CSMD1: variants seen among roughly 807,000 people sequenced by gnomAD.
The protein encoded by CSMD1 is CUB and Sushi multiple domains 1.
Under a neutral mutation model 417.5 loss-of-function variants are expected in CSMD1, and 213 were observed. That is an observed-to-expected ratio of 0.51 (90% CI 0.46 to 0.57). The LOEUF (loss-of-function observed/expected upper bound fraction) is 0.57, where lower values mean the gene tolerates loss of function less well. Ranked by LOEUF, CSMD1 falls within the 20% of genes least tolerant of loss-of-function variation. The pLI, the probability that CSMD1 is intolerant of heterozygous loss-of-function variation, is 0.00. For missense variants in CSMD1, 6,923 were observed against 4,529.7 expected (o/e 1.53, Z -15.17); for synonymous variants, 2,862 against 1,736.8 (o/e 1.65, Z -16.11).
chr8:4,925,150 C>G (rs1253555801), intron 1 of CSMD1, among the ~76,000 whole-genome samples: 1 of 146,578 alleles, frequency 6.8e-6, no homozygotes, highest in African/African-American at 2.5e-5. Context: ...GAGCAGCAGA[C>G]ACAAGGAAGG....
intron 3 of CSMD1, among the ~76,000 whole-genome samples, chr8:4,174,917 A>C (rs2552098): frequency 6.7e-6 from 1 of 150,312 alleles, no homozygotes; most frequent in Non-Finnish European, 1.5e-5. Flanking sequence ...TCTTTGCAGA[A>C]CTGATGTCAA....
chr8:3,656,835 G>A (rs546460743), intron 7 of CSMD1, among the ~76,000 whole-genome samples: 19 of 151,864 alleles, frequency 1.3e-4, no homozygotes, highest in Admixed American at 2.6e-4. Flanking sequence ...TGAGGCAGAT[G>A]AATAGCTTGT....
rs1797288826 is a variant in CSMD1 at position 3,641,178 on chromosome 8, G to C, written c.1010-24381C>G. Among the ~76,000 whole-genome samples, 4 of 152,020 alleles carry C rather than the reference G, an allele frequency of 2.6e-5. No individual in the cohort carries two copies. In the South Asian group the frequency reaches 8.3e-4, roughly 32 times the overall value. On this transcript the variant is annotated intron_variant, in intron 7 of 69. Transcript: ENST00000635120. ...AATCTGCACATGTAACATGCAATGG[G>C]TGATCACTTGACTGGGGTACATTGC...
intron 3 of CSMD1, among the ~76,000 whole-genome samples, chr8:4,244,869 G>A (rs1802611089): frequency 6.6e-6 from 1 of 151,928 alleles, no homozygotes; most frequent in African/African-American, 2.4e-5. Context: ...GATCCCCTAG[G>A]GATATTAAAC....
In CSMD1 at chr8:3,284,225, G is replaced by C. The variant is rs1357120982; in HGVS notation, c.4072C>G (p.His1358Asp). The change falls in exon 26 of 70, where the codon CAC (histidine) becomes GAC (aspartate). Residue 1358 changes from histidine (H) to aspartate (D), a missense_variant. His to Asp is a moderately conservative substitution (Grantham distance 81). Coordinates refer to ENST00000635120, the MANE Select transcript of CSMD1 (RefSeq NM_033225.6). ...AGGGTGAGTGAGTTGAAGGTGCTGT[G>C]GATGTCCTCCGGAAGGGCGGAGCCA... ...WSGSALPEDI[H>D]STFNSLTLQF... The C allele has an allele frequency of 6.2e-7, 1 of 1,612,680 alleles. No individual in the cohort carries two copies. The highest frequency in any genetic ancestry group is 1.1e-5 in the South Asian group (1 of 90,674).
At chr8:3,854,253 A>G (rs866597259) in intron 5 of CSMD1, among the ~76,000 whole-genome samples, 1 of 151,058 alleles carries the variant, frequency 6.6e-6, no homozygotes, top group Non-Finnish European at 1.5e-5. Context: ...CAGGAGTAAT[A>G]CATTTAACTC....
chr8:4,334,286 C>G (rs1316065889), intron 3 of CSMD1, among the ~76,000 whole-genome samples: 1 of 152,094 alleles, frequency 6.6e-6, no homozygotes, highest in Non-Finnish European at 1.5e-5. Flanking sequence ...CGTGTTTGGT[C>G]AAACACTATT....
At chr8:4,620,256 T>C (rs1451902073) in intron 2 of CSMD1, among the ~76,000 whole-genome samples, 1 of 151,558 alleles carries the variant, frequency 6.6e-6, no homozygotes, top group East Asian at 1.9e-4. Context: ...TAAATAACAA[T>C]TGCTCTATCT....
intron 3 of CSMD1, among the ~76,000 whole-genome samples, chr8:4,412,809 C>A (rs571183616): frequency 6.6e-6 from 1 of 152,118 alleles, no homozygotes; most frequent in Non-Finnish European, 1.5e-5. Context: ...TTATTTAACT[C>A]ACTCTAGGCC....
intron 2 of CSMD1, among the ~76,000 whole-genome samples, chr8:4,521,634 A>G (rs981865098): frequency 6.6e-6 from 1 of 152,204 alleles, no homozygotes; most frequent in Non-Finnish European, 1.5e-5. Flanking sequence ...AGGTAACTTT[A>G]TGGTAGAAAA....
At chr8:3,933,595 A>G (rs1810297345) in intron 5 of CSMD1, among the ~76,000 whole-genome samples, 1 of 151,978 alleles carries the variant, frequency 6.6e-6, no homozygotes, top group African/African-American at 2.4e-5. Context: ...AGTGTGTAGA[A>G]CTGTTAAGAT....
intron 5 of CSMD1, among the ~76,000 whole-genome samples, chr8:3,867,176 T>A (rs1445884985): frequency 6.6e-6 from 1 of 152,210 alleles, no homozygotes; most frequent in Non-Finnish European, 1.5e-5. Flanking sequence ...CACTGGTCTT[T>A]GGTCTTGTCA....
chr8:3,470,150 C>G (rs1032832103), intron 11 of CSMD1, among the ~76,000 whole-genome samples: 3 of 152,228 alleles, frequency 2.0e-5, no homozygotes, highest in African/African-American at 4.8e-5. Flanking sequence ...CCCATCTTGC[C>G]AAACTATCAG....
chr8:4,575,916 G>T lies in CSMD1; in HGVS notation c.302+61426C>A, dbSNP rs1426460686. On this transcript the variant is annotated intron_variant, in intron 2 of 69. Transcript: ENST00000635120. ...TGTTACAGCTGTTGTGATCGTTCCA[G>T]TGTAAATCAAACAATCCCACAGCAC... 3.3e-5 allele frequency among the ~76,000 whole-genome samples: 5 copies of T among 152,170 alleles called. No homozygotes were observed. The South Asian group carries it at 1.0e-3, about 31-fold the overall frequency.
chr8:3,865,995 G>A (rs1161628899), intron 5 of CSMD1, among the ~76,000 whole-genome samples: 2 of 152,174 alleles, frequency 1.3e-5, no homozygotes, highest in African/African-American at 2.4e-5. Context: ...ACCATCATCT[G>A]TAGTCATGTT....
At chr8:4,395,439 G>C (rs1456053494) in intron 3 of CSMD1, among the ~76,000 whole-genome samples, 2 of 151,882 alleles carry the variant, frequency 1.3e-5, no homozygotes, top group Middle Eastern at 3.2e-3. Context: ...AAGAAAAGCA[G>C]TCTCTCATCA....
chr8:4,620,085 A>G (rs1319302789), intron 2 of CSMD1, among the ~76,000 whole-genome samples: 1 of 151,996 alleles, frequency 6.6e-6, no homozygotes, highest in Non-Finnish European at 1.5e-5. Flanking sequence ...ATACTGCTAT[A>G]ATACTCACAT....
chr8:3,263,334 A>G (rs13257743), intron 26 of CSMD1, among the ~76,000 whole-genome samples: 34,523 of 152,114 alleles, frequency 0.23, 4,098 homozygotes, highest in South Asian at 0.3. Context: ...CCTGGCCTCA[A>G]GTGATCTGCC....
chr8:4,525,207 A>G (rs1320083784), intron 2 of CSMD1, among the ~76,000 whole-genome samples: 2 of 152,140 alleles, frequency 1.3e-5, no homozygotes, highest in Non-Finnish European at 2.9e-5. Context: ...ACCTACCAAC[A>G]AAAAAGGAAG....
Sources: gnomAD v4.1 joint callset for allele counts (sites outside exome capture counted in the v4.1 genomes callset) on GRCh38, gnomAD v4.1.1 for gene constraint, MANE v1.5 for transcripts, NCBI Gene and HGNC (gene_info 2026-07-23, HGNC 2026-07-21) for gene names.